Variants in RTN1 observed in about 807,000 individuals in gnomAD.
RTN1 encodes reticulon-1.
A neutral mutation model predicts 65.5 loss-of-function variants in RTN1; 25 were observed. The observed-to-expected ratio is 0.38, with a 90% CI of 0.28 to 0.53. The LOEUF (loss-of-function observed/expected upper bound fraction) is 0.53, where lower values mean the gene tolerates loss of function less well. RTN1 is among the 20% of genes least tolerant of loss of function. The pLI is 0.79. For missense variants in RTN1, 983 were observed against 1,025.4 expected (o/e 0.96, Z 0.57); for synonymous variants, 471 against 447.6 (o/e 1.05, Z -0.66).
At position 59,869,354 on chromosome 14, in the gene RTN1, C is replaced by G. The variant is rs1294714543; in HGVS notation, c.241+1036G>C. Among the ~76,000 whole-genome samples, 3 of 152,004 alleles carry G rather than the reference C, an allele frequency of 2.0e-5. No homozygotes were observed. The East Asian group carries it at 5.8e-4, about 30-fold the overall frequency. On this transcript the variant is annotated intron_variant, in intron 1 of 8. Coordinates refer to ENST00000267484, the MANE Select transcript of RTN1 (RefSeq NM_021136.3). ...GCTCTACATTGCCAAAACTACACAACTCCCACTCCACCATAGCAAAGCTTT... is the reference window on the plus strand; with the variant it reads ...GCTCTACATTGCCAAAACTACACAAGTCCCACTCCACCATAGCAAAGCTTT...
intron 1 of RTN1, among the ~76,000 whole-genome samples, chr14:59,809,456 G>A (rs1020447351): frequency 6.6e-6 from 1 of 150,960 alleles, no homozygotes; most frequent in Non-Finnish European, 1.5e-5. Flanking sequence ...TAAGTATGTT[G>A]GAATTTCCCA....
intron 1 of RTN1, among the ~76,000 whole-genome samples, chr14:59,778,491 A>G (rs953478637): frequency 3.3e-5 from 5 of 152,172 alleles, no homozygotes; most frequent in Non-Finnish European, 7.4e-5. Context: ...CTATTCATGC[A>G]TTCGTCCAAT....
chr14:59,596,622 T>C lies in RTN1; in HGVS notation c.*123A>G. The C allele has an allele frequency of 3.8e-6, 3 of 781,904 alleles. No individual in the cohort carries two copies. Among genetic ancestry groups the C allele is most frequent in the Non-Finnish European group, 4.5e-6 (2 of 442,416 alleles). 48.4% of individuals were successfully genotyped at this position (781,904 alleles called of 1,614,324 possible). ...CTAAAAACAGCTGTTTTAAGGTTTG[T>C]CTCTAAGATTATGGTACTGGAGGGA... On this transcript the variant is annotated 3_prime_UTR_variant, in exon 9 of 9. Transcript: ENST00000267484.
intron 1 of RTN1, among the ~76,000 whole-genome samples, chr14:59,796,993 G>T (rs1886452072): frequency 6.6e-6 from 1 of 152,144 alleles, no homozygotes; most frequent in African/African-American, 2.4e-5. Flanking sequence ...GGTTATATAT[G>T]AACTCAATTG....
chr14:59,691,029 A>C (rs995820172), intron 3 of RTN1, among the ~76,000 whole-genome samples: 2 of 152,148 alleles, frequency 1.3e-5, no homozygotes, highest in Non-Finnish European at 2.9e-5. Context: ...TACAGGAACC[A>C]AAAAAGTGAG....
intron 3 of RTN1, among the ~76,000 whole-genome samples, chr14:59,721,835 T>C (rs1167589264): frequency 1.3e-5 from 2 of 152,230 alleles, no homozygotes; most frequent in Admixed American, 1.3e-4. Context: ...CGGCACCGAG[T>C]ACCTTTAACT....
chr14:59,793,745 G>T (rs1006803184), intron 1 of RTN1, among the ~76,000 whole-genome samples: 36 of 151,562 alleles, frequency 2.4e-4, no homozygotes, highest in African/African-American at 8.2e-4. Flanking sequence ...TTTAAGAGTT[G>T]TTATACCAAT....
At chr14:59,671,796 T>A (rs1411589051) in intron 3 of RTN1, among the ~76,000 whole-genome samples, 4 of 152,174 alleles carry the variant, frequency 2.6e-5, no homozygotes, top group Admixed American at 6.5e-5. Context: ...AGCTCTAAGC[T>A]TCCCCCATAT....
chr14:59,838,469 G>C (rs544866620), intron 1 of RTN1, among the ~76,000 whole-genome samples: 4 of 152,118 alleles, frequency 2.6e-5, no homozygotes, highest in South Asian at 2.1e-4. Flanking sequence ...AAATCTGAAG[G>C]CTCAGTAATA....
chr14:59,815,424 T>C (rs1444506846), intron 1 of RTN1, among the ~76,000 whole-genome samples: 1 of 152,120 alleles, frequency 6.6e-6, no homozygotes, highest in Non-Finnish European at 1.5e-5. Flanking sequence ...CATGCTTAAA[T>C]CTCTCCCAGA....
intron 2 of RTN1, among the ~76,000 whole-genome samples, chr14:59,745,012 A>T (rs544456783): frequency 6.6e-5 from 10 of 152,312 alleles, no homozygotes; most frequent in African/African-American, 2.4e-4. Context: ...TCATGAGTGG[A>T]TTATCCCACT....
intron 1 of RTN1, among the ~76,000 whole-genome samples, chr14:59,772,114 T>C (rs1214255873): frequency 6.6e-6 from 1 of 152,226 alleles, no homozygotes; most frequent in African/African-American, 2.4e-5. Context: ...GAATACATGC[T>C]ACTGACTGAA....
At chr14:59,845,986 C>T (rs567409343) in intron 1 of RTN1, among the ~76,000 whole-genome samples, 1 of 152,270 alleles carries the variant, frequency 6.6e-6, no homozygotes, top group East Asian at 1.9e-4. Flanking sequence ...GAAGCTTGAA[C>T]TCTAAACATA....
intron 8 of RTN1, among the ~76,000 whole-genome samples, chr14:59,598,914 C>G (rs1881490140): frequency 6.6e-6 from 1 of 152,198 alleles, no homozygotes; most frequent in African/African-American, 2.4e-5. Flanking sequence ...TCTAATACCA[C>G]AGTACCCTGG....
chr14:59,706,912 A>G (rs547107946), intron 3 of RTN1, among the ~76,000 whole-genome samples: 23 of 152,312 alleles, frequency 1.5e-4, no homozygotes, highest in Non-Finnish European at 3.1e-4. Context: ...AATATTCTAT[A>G]TGTATTATTC....
intron 1 of RTN1, among the ~76,000 whole-genome samples, chr14:59,775,951 C>T (rs112909338): frequency 0.016 from 2,425 of 152,008 alleles, 63 homozygotes; most frequent in African/African-American, 0.056. Flanking sequence ...GAGATCAATC[C>T]GTATAAATAA....
intron 3 of RTN1, among the ~76,000 whole-genome samples, chr14:59,658,550 T>G (rs1217584648): frequency 6.6e-6 from 1 of 152,152 alleles, no homozygotes; most frequent in African/African-American, 2.4e-5. Context: ...CAGGCAGCAA[T>G]CTTTGCTGCT....
chr14:59,866,503 T>A (rs1887800978), intron 1 of RTN1, among the ~76,000 whole-genome samples: 2 of 151,686 alleles, frequency 1.3e-5, no homozygotes, highest in African/African-American at 4.8e-5. Context: ...AAAGCCTTTA[T>A]AATATTTATC....
intron 3 of RTN1, among the ~76,000 whole-genome samples, chr14:59,712,005 T>C (rs777103231): frequency 6.6e-6 from 1 of 152,178 alleles, no homozygotes; most frequent in Admixed American, 6.5e-5. Flanking sequence ...TATGTTGATA[T>C]TCAACTGGCA....
Sources: allele counts gnomAD v4.1 joint callset (sites outside exome capture counted in the v4.1 genomes callset), GRCh38; gene constraint gnomAD v4.1.1; transcripts MANE v1.5; gene names NCBI Gene and HGNC (gene_info 2026-07-23, HGNC 2026-07-21).